The following RASAL2 variants were observed in gnomAD, a reference collection of about 807,000 sequenced individuals.
RASAL2 encodes the protein ras GTPase-activating protein nGAP.
Under a neutral mutation model 128.9 loss-of-function variants are expected in RASAL2, and 58 were observed. The ratio of observed to expected loss-of-function variants is 0.45; its 90% CI spans 0.36 to 0.56. The LOEUF is 0.56. RASAL2 is among the 20% of genes least tolerant of loss of function. The probability of loss-of-function intolerance (pLI) is 0.00; values close to 1 mark genes in which losing one functional copy is unlikely to be tolerated. For synonymous variants in RASAL2, 561 were observed against 580.8 expected (o/e 0.97, Z 0.49); for missense variants, 1,360 against 1,601.6 (o/e 0.85, Z 2.57).
rs1165275170 is a variant in RASAL2, at chr1:178,242,629, T to G, written c.203-40935T>G. Among the ~76,000 whole-genome samples, 3 of 152,086 alleles carry G rather than the reference T, an allele frequency of 2.0e-5. No homozygotes were observed. In the East Asian group the frequency reaches 5.8e-4, roughly 29 times the overall value. On this transcript the variant is annotated intron_variant, in intron 1 of 17. Transcript: ENST00000367649. ...ACATTCTTGAATCTGTAGGTTTACGTCTTTTGCCAAATTTAGGAAGTTTTC... is the reference window on the plus strand; with the variant it reads ...ACATTCTTGAATCTGTAGGTTTACGGCTTTTGCCAAATTTAGGAAGTTTTC...
At chr1:178,313,528 T>TC (rs1668358162) in intron 3 of RASAL2, among the ~76,000 whole-genome samples, 1 of 151,830 alleles carries the variant, frequency 6.6e-6, no homozygotes, top group Non-Finnish European at 1.5e-5. Flanking sequence ...TCTCACTCTG[T>TC]CACCCGGGCT....
chr1:178,100,423 C>CT (rs1225265620), intron 1 of RASAL2, among the ~76,000 whole-genome samples: 1 of 151,238 alleles, frequency 6.6e-6, no homozygotes, highest in Non-Finnish European at 1.5e-5. Flanking sequence ...ACTCGGGATG[C>CT]TGAGGCACGA....
At chr1:178,112,758 G>A (rs1420302852) in intron 1 of RASAL2, among the ~76,000 whole-genome samples, 2 of 117,582 alleles carry the variant, frequency 1.7e-5, no homozygotes, top group East Asian at 3.1e-4. Context: ...GTTGTGGGGT[G>A]GGGGGAGGGA....
intron 1 of RASAL2, among the ~76,000 whole-genome samples, chr1:178,130,131 T>G (rs1660048418): frequency 6.6e-6 from 1 of 152,190 alleles, no homozygotes; most frequent in South Asian, 2.1e-4. Context: ...TATAAAACAA[T>G]TACTATATAG....
At chr1:178,472,247 T>C (rs532151369) in intron 17 of RASAL2, among the ~76,000 whole-genome samples, 8 of 152,354 alleles carry the variant, frequency 5.3e-5, no homozygotes, top group African/African-American at 1.9e-4. Context: ...TCCTCTTTTC[T>C]TCCCCCTTGG....
chr1:178,364,574 T>G (rs150328521), intron 3 of RASAL2, among the ~76,000 whole-genome samples: 100 of 152,330 alleles, frequency 6.6e-4, no homozygotes, highest in African/African-American at 2.2e-3. Flanking sequence ...CTACAAGTAT[T>G]CAAATTATTG....
At chr1:178,235,315 T>C (rs766119503) in intron 1 of RASAL2, among the ~76,000 whole-genome samples, 16 of 152,210 alleles carry the variant, frequency 1.1e-4, no homozygotes, top group Non-Finnish European at 2.2e-4. Context: ...TGGACTTTGA[T>C]AGTGCACTTT....
intron 14 of RASAL2, 124 bp downstream of exon 14, chr1:178,458,668 T>C: frequency 7.3e-7 from 1 of 1,365,124 alleles, no homozygotes; most frequent in Non-Finnish European, 9.8e-7. Context: ...AACCTTTAAA[T>C]GGAAAGAGGA....
At chr1:178,418,948 C>T (rs1183020459) in intron 4 of RASAL2, among the ~76,000 whole-genome samples, 1 of 152,118 alleles carries the variant, frequency 6.6e-6, no homozygotes, top group Admixed American at 6.5e-5. Flanking sequence ...ACAGCATAGA[C>T]AGGATCCCAC....
chr1:178,286,247 C>A (rs1241682141), intron 2 of RASAL2, among the ~76,000 whole-genome samples: 1 of 152,162 alleles, frequency 6.6e-6, no homozygotes, highest in East Asian at 1.9e-4. Context: ...CTTACAAGAA[C>A]TGAGATCTTC....
chr1:178,227,080 G>A (rs1263326643), intron 1 of RASAL2, among the ~76,000 whole-genome samples: 1 of 152,046 alleles, frequency 6.6e-6, no homozygotes, highest in Non-Finnish European at 1.5e-5. Context: ...CTGCCCACCT[G>A]TGGTGTTACA....
At chr1:178,260,028 G>T (rs1055743118) in intron 1 of RASAL2, among the ~76,000 whole-genome samples, 1 of 151,782 alleles carries the variant, frequency 6.6e-6, no homozygotes, top group Non-Finnish European at 1.5e-5. Context: ...GGTTTGTTTT[G>T]CCTTCGTCAC....
intron 1 of RASAL2, among the ~76,000 whole-genome samples, chr1:178,210,668 G>A (rs1391126222): frequency 1.3e-5 from 2 of 152,184 alleles, no homozygotes; most frequent in African/African-American, 4.8e-5. Flanking sequence ...TATGGTGCAT[G>A]TGCCATATTA....
At chr1:178,206,345 A>G (rs1010233675) in intron 1 of RASAL2, among the ~76,000 whole-genome samples, 20 of 152,208 alleles carry the variant, frequency 1.3e-4, no homozygotes, top group Non-Finnish European at 4.4e-5. Flanking sequence ...CCTGTCTTGT[A>G]TAGTCAAGCT....
intron 3 of RASAL2, among the ~76,000 whole-genome samples, chr1:178,322,077 C>A (rs1668817219): frequency 6.6e-6 from 1 of 151,972 alleles, no homozygotes; most frequent in Admixed American, 6.6e-5. Flanking sequence ...AAGTGATACT[C>A]CCACCTCGGC....
chr1:178,411,163 TGTACAC>T (rs750129593), intron 4 of RASAL2, among the ~76,000 whole-genome samples: 125 of 28,600 alleles, frequency 4.4e-3, no homozygotes, highest in African/African-American at 0.018. Context: ...TGTGTGTGTG[TGTACAC>T]ACACACACAC....
At chr1:178,352,948 G>A (rs1479605780) in intron 3 of RASAL2, among the ~76,000 whole-genome samples, 1 of 152,246 alleles carries the variant, frequency 6.6e-6, no homozygotes, top group Non-Finnish European at 1.5e-5. Context: ...GAGGCTGCAT[G>A]GGGCAGCAGA....
chr1:178,179,982 G>A (rs1376443073), intron 1 of RASAL2, among the ~76,000 whole-genome samples: 3 of 152,162 alleles, frequency 2.0e-5, no homozygotes, highest in African/African-American at 4.8e-5. Context: ...AAATAACAAG[G>A]GGAGAGGAAG....
chr1:178,201,254 T>TA (rs1662857593), intron 1 of RASAL2, among the ~76,000 whole-genome samples: 1 of 152,084 alleles, frequency 6.6e-6, no homozygotes, highest in African/African-American at 2.4e-5. Context: ...CTTGGGGAGT[T>TA]AAAAAAAGGT....
Sources: gnomAD v4.1 joint callset for allele counts (sites outside exome capture counted in the v4.1 genomes callset) on GRCh38, gnomAD v4.1.1 for gene constraint, MANE v1.5 for transcripts, NCBI Gene and HGNC (gene_info 2026-07-23, HGNC 2026-07-21) for gene names.